Variants in ZNF804B observed in about 807,000 individuals in gnomAD.
ZNF804B encodes zinc finger protein 804B.
Under a neutral mutation model 101.4 loss-of-function variants are expected in ZNF804B, and 80 were observed. The observed-to-expected ratio is 0.79, with a 90% CI of 0.66 to 0.95. The LOEUF (loss-of-function observed/expected upper bound fraction) is 0.95, where lower values mean the gene tolerates loss of function less well. ZNF804B is among the 40% of genes least tolerant of loss of function. The probability of loss-of-function intolerance (pLI) is 0.00; values close to 1 mark genes in which losing one functional copy is unlikely to be tolerated. For missense variants in ZNF804B, 1,673 were observed against 1,561.9 expected (o/e 1.07, Z -1.20); for synonymous variants, 622 against 558.8 (o/e 1.11, Z -1.59).
intron 3 of ZNF804B, among the ~76,000 whole-genome samples, chr7:89,329,486 A>T (rs568175205): frequency 6.6e-6 from 1 of 151,812 alleles, no homozygotes; most frequent in Admixed American, 6.6e-5. Flanking sequence ...CCTCATAATG[A>T]GGGCTTCTGA....
At chr7:89,312,978 G>GTA (rs763127829) in intron 2 of ZNF804B, among the ~76,000 whole-genome samples, 2 of 152,096 alleles carry the variant, frequency 1.3e-5, no homozygotes, top group Non-Finnish European at 2.9e-5. Context: ...TCCTGTTCTA[G>GTA]ATTATTGTTA....
intron 1 of ZNF804B, among the ~76,000 whole-genome samples, chr7:88,803,532 A>C (rs950534226): frequency 6.6e-6 from 1 of 152,176 alleles, no homozygotes; most frequent in Admixed American, 6.6e-5. Flanking sequence ...GCCATCACCA[A>C]GGTAGACAAG....
chr7:88,841,715 T>G (rs1391501919), intron 1 of ZNF804B, among the ~76,000 whole-genome samples: 1 of 152,142 alleles, frequency 6.6e-6, no homozygotes, highest in African/African-American at 2.4e-5. Flanking sequence ...TTTTGGTTGG[T>G]GTCAGAAGTA....
intron 1 of ZNF804B, among the ~76,000 whole-genome samples, chr7:89,015,880 T>A (rs1284536177): frequency 3.3e-5 from 5 of 152,020 alleles, no homozygotes; most frequent in Non-Finnish European, 2.9e-5. Flanking sequence ...TCAAATGGTA[T>A]TTCTAGTTCT....
chr7:88,960,526 G>A (rs548827299), intron 1 of ZNF804B, among the ~76,000 whole-genome samples: 1 of 150,002 alleles, frequency 6.7e-6, no homozygotes, highest in South Asian at 2.1e-4. Context: ...TAGAAATAAG[G>A]AGGGATAAGA....
intron 1 of ZNF804B, among the ~76,000 whole-genome samples, chr7:89,182,409 A>G (rs548396477): frequency 3.4e-4 from 52 of 152,308 alleles, no homozygotes; most frequent in African/African-American, 1.2e-3. Context: ...GAGAGGGAAG[A>G]CTAACACAGT....
Position 89,333,759 on chromosome 7 carries a change from T to G in ZNF804B, c.777T>G (p.Thr259=). 2 of 1,613,538 alleles carry G rather than the reference T, an allele frequency of 1.2e-6. No homozygotes were observed. The highest frequency in any genetic ancestry group is 1.1e-5 in the South Asian group (1 of 91,048). ...NKSPIYKTKQ[T]ADKCKCCRFA... ...CACCCATTTATAAAACAAAACAAACTGCAGATAAGTGCAAGTGCTGCAGGT... is the reference window on the plus strand; with the variant it reads ...CACCCATTTATAAAACAAAACAAACGGCAGATAAGTGCAAGTGCTGCAGGT... Residue 259 remains threonine, a synonymous_variant, in exon 4 of 4, where the codon ACT becomes ACG. Coordinates refer to ENST00000333190, the MANE Select transcript of ZNF804B (RefSeq NM_181646.5).
At chr7:89,212,455 C>A (rs985463771) in intron 1 of ZNF804B, among the ~76,000 whole-genome samples, 3 of 152,078 alleles carry the variant, frequency 2.0e-5, no homozygotes, top group African/African-American at 7.2e-5. Flanking sequence ...TGGGAGATAA[C>A]CTGGAGAAAT....
intron 2 of ZNF804B, among the ~76,000 whole-genome samples, chr7:89,263,317 C>T (rs1789737825): frequency 6.6e-6 from 1 of 151,782 alleles, no homozygotes; most frequent in Admixed American, 6.6e-5. Context: ...CAGCACAGAC[C>T]AGTTAATGTT....
intron 1 of ZNF804B, among the ~76,000 whole-genome samples, chr7:88,899,705 A>T (rs1445884996): frequency 1.3e-5 from 2 of 152,208 alleles, no homozygotes; most frequent in African/African-American, 4.8e-5. Context: ...TATTCAAGAC[A>T]AGGTCCTCTA....
At chr7:89,205,728 T>G (rs542029390) in intron 1 of ZNF804B, among the ~76,000 whole-genome samples, 1 of 152,176 alleles carries the variant, frequency 6.6e-6, no homozygotes, top group South Asian at 2.1e-4. Flanking sequence ...AGACATTGAG[T>G]GTCTGCAGCT....
intron 1 of ZNF804B, among the ~76,000 whole-genome samples, chr7:89,015,387 C>T (rs1788531908): frequency 6.6e-6 from 1 of 151,056 alleles, no homozygotes; most frequent in Admixed American, 6.6e-5. Flanking sequence ...GCACAATGTG[C>T]AGGTTAGTTA....
At chr7:88,799,101 C>T (rs186817413) in intron 1 of ZNF804B, among the ~76,000 whole-genome samples, 38 of 152,152 alleles carry the variant, frequency 2.5e-4, no homozygotes, top group African/African-American at 8.4e-4. Flanking sequence ...ACTTGTAACT[C>T]GTGTCAAAGA....
rs150925951 is a variant in ZNF804B at position 89,151,671 on chromosome 7, G to A, written c.109-66484G>A. 3.6e-3 allele frequency among the ~76,000 whole-genome samples: 551 copies of A among 151,318 alleles called. 2 individuals carry two copies. Among genetic ancestry groups the A allele is most frequent in the Admixed American group, 6.0e-3 (91 of 15,118 alleles). On this transcript the variant is annotated intron_variant, in intron 1 of 3. Coordinates refer to ENST00000333190, the MANE Select transcript of ZNF804B (RefSeq NM_181646.5). ...TAAAATAAAATGTGGCTGAGAATAA[G>A]CATCTAAGTAAACTTCTTCAGATCT...
chr7:89,267,103 A>T (rs912413015), intron 2 of ZNF804B, among the ~76,000 whole-genome samples: 1 of 152,104 alleles, frequency 6.6e-6, no homozygotes, highest in East Asian at 1.9e-4. Context: ...CTTGATTTAA[A>T]CCACATTTTA....
intron 1 of ZNF804B, among the ~76,000 whole-genome samples, chr7:89,098,790 TTAA>T (rs1562884237): frequency 1.3e-5 from 2 of 152,072 alleles, no homozygotes; most frequent in Non-Finnish European, 2.9e-5. Flanking sequence ...AGGAGATGAA[TTAA>T]TGACTCTGAA....
At chr7:89,132,085 G>C (rs983766134) in intron 1 of ZNF804B, among the ~76,000 whole-genome samples, 1 of 151,592 alleles carries the variant, frequency 6.6e-6, no homozygotes, top group Non-Finnish European at 1.5e-5. Flanking sequence ...CTCTTCATGG[G>C]AAGGATAAGG....
Position 88,815,759 on chromosome 7 carries a change from T to TC in ZNF804B, c.108+55678dup, listed in dbSNP as rs1331316527. On this transcript the variant is annotated intron_variant, in intron 1 of 3. Transcript: ENST00000333190. ...CTTTCCTCTTTTGCATATGTGTACC[T>TC]CCCTGCTCTTTTGGGGCTCTGTCTT... Among the ~76,000 whole-genome samples, 5 of 152,176 alleles carry TC rather than the reference T, an allele frequency of 3.3e-5. No homozygotes were observed. In the East Asian group the frequency reaches 9.7e-4, roughly 29 times the overall value.
chr7:89,078,228 A>G (rs1036160835), intron 1 of ZNF804B, among the ~76,000 whole-genome samples: 1 of 152,082 alleles, frequency 6.6e-6, no homozygotes, highest in Non-Finnish European at 1.5e-5. Flanking sequence ...GTAATTTACA[A>G]TATATTATTG....
Sources: allele counts gnomAD v4.1 joint callset (sites outside exome capture counted in the v4.1 genomes callset), GRCh38; gene constraint gnomAD v4.1.1; transcripts MANE v1.5; gene names NCBI Gene and HGNC (gene_info 2026-07-23, HGNC 2026-07-21).